Variants in CCDC92 observed in about 807,000 individuals in gnomAD.
CCDC92 encodes the protein coiled-coil domain-containing protein 92.
Under a neutral mutation model 24.9 loss-of-function variants are expected in CCDC92, and 12 were observed. That is an observed-to-expected ratio of 0.48 (90% confidence interval 0.31 to 0.78). CCDC92 has a LOEUF of 0.78. CCDC92 is among the 30% of genes least tolerant of loss of function. CCDC92 has a pLI of 0.05. For synonymous variants in CCDC92, 193 were observed against 196.3 expected (o/e 0.98, Z 0.14); for missense variants, 399 against 439.4 (o/e 0.91, Z 0.82).
In CCDC92 at chr12:123,937,050, G is replaced by T. The variant is rs753257859; in HGVS notation, c.*8C>A. On this transcript the variant is annotated 3_prime_UTR_variant, in exon 5 of 5. Transcript: ENST00000238156. The surrounding 1 kb of genome is among the most constrained non-coding windows in gnomAD (Gnocchi z 8.4). ...GCATGGACAGCGCGGGGTGGGGCAC[G>T]GCGGGCTTCACACAGTTCTGTCCGT... 5 of 1,613,508 alleles carry T rather than the reference G, an allele frequency of 3.1e-6. No homozygotes were observed. The highest frequency in any genetic ancestry group is 3.4e-6 in the Non-Finnish European group (4 of 1,179,958).
In CCDC92 at chr12:123,937,834, C is replaced by T. The variant is rs767039955; in HGVS notation, c.224-4G>A. On this transcript the variant is annotated splice_region_variant and splice_polypyrimidine_tract_variant and intron_variant, in intron 4 of 4. Coordinates refer to ENST00000238156, the MANE Select transcript of CCDC92 (RefSeq NM_025140.3). The surrounding 1 kb of genome is among the most constrained non-coding windows in gnomAD (Gnocchi z 8.4). ...CTGCTTTTAGAAGTCCCGTCTCCTA[C>T]AAGAATAAGCCGAGGAAGCAGGTGA... is the stretch of plus-strand genomic sequence containing the variant. 6 of 1,598,654 alleles carry T rather than the reference C, an allele frequency of 3.8e-6. No homozygotes were observed. The highest frequency in any genetic ancestry group is 2.7e-5 in the African/African-American group (2 of 74,452).
chr12:123,958,672 C>T (rs1203047648), intron 1 of CCDC92, among the ~76,000 whole-genome samples: 11 of 152,190 alleles, frequency 7.2e-5, no homozygotes, highest in South Asian at 4.1e-4. Flanking sequence ...ACCTCCCTGG[C>T]GTCACTGACT....
chr12:123,957,080 G>C (rs992825294), intron 1 of CCDC92, among the ~76,000 whole-genome samples: 3 of 152,054 alleles, frequency 2.0e-5, no homozygotes, highest in African/African-American at 7.2e-5. Flanking sequence ...CCCATAATGG[G>C]GTTAATTATA....
intron 1 of CCDC92, chr12:123,960,915 T>C (rs1394373991): frequency 6.6e-6 from 1 of 152,214 alleles, no homozygotes; most frequent in Non-Finnish European, 1.5e-5. Flanking sequence ...CTTTTTAAAG[T>C]TTACAAGGCC....
rs575041866 is a variant in CCDC92 at position 123,950,163 on chromosome 12, T to C, written c.-59-5799A>G. On this transcript the variant is annotated intron_variant, in intron 1 of 4. Transcript: ENST00000238156. ...AGGTGATGTGGTGACAATCCTGACG[T>C]CTGGGGCAGATTTAATTTCATGCAG... Among the ~76,000 whole-genome samples the C allele has an allele frequency of 1.1e-4, 16 of 152,348 alleles. No individual in the cohort carries two copies. In the East Asian group the frequency reaches 3.1e-3, roughly 29 times the overall value.
intron 4 of CCDC92, among the ~76,000 whole-genome samples, chr12:123,939,015 C>T (rs1392903395): frequency 3.3e-5 from 5 of 152,216 alleles, no homozygotes; most frequent in Admixed American, 3.3e-4. Context: ...AATGGTTCCT[C>T]ACTGCCTAAT....
At position 123,936,852 on chromosome 12, in the gene CCDC92, G is replaced by T; in HGVS notation, c.*206C>A. 1 of 640,824 alleles carries T rather than the reference G, an allele frequency of 1.6e-6. No homozygotes were observed. The highest frequency in any genetic ancestry group is 2.7e-6 in the Non-Finnish European group (1 of 374,464). 39.7% of individuals were successfully genotyped at this position (640,824 alleles called of 1,614,324 possible). A position where few individuals can be genotyped will look rare whatever the true frequency, so the allele number is the denominator to read the frequency against. ...AAGCGATTCGGCACACAGGCGTTTGGCCACAGCAATTAGGAAATACATATT... is the reference window on the plus strand; with the variant it reads ...AAGCGATTCGGCACACAGGCGTTTGTCCACAGCAATTAGGAAATACATATT... On this transcript the variant is annotated 3_prime_UTR_variant, in exon 5 of 5. Coordinates refer to ENST00000238156, the MANE Select transcript of CCDC92 (RefSeq NM_025140.3).
chr12:123,940,837 TGG>T (rs36019400), intron 4 of CCDC92, among the ~76,000 whole-genome samples: 47,902 of 152,024 alleles, frequency 0.32, 7,679 homozygotes, highest in Middle Eastern at 0.37. Flanking sequence ...TGCTGTACCC[TGG>T]GTCCCGAAAC....
At chr12:123,944,641 A>T (rs1023236947) in intron 1 of CCDC92, 6 of 243,926 alleles carry the variant, frequency 2.5e-5, no homozygotes, top group Non-Finnish European at 4.7e-5. Context: ...TGGAGCTAGG[A>T]CGAGTTCATA....
intron 4 of CCDC92, among the ~76,000 whole-genome samples, chr12:123,940,639 T>G (rs1297721990): frequency 6.6e-6 from 1 of 152,176 alleles, no homozygotes; most frequent in African/African-American, 2.4e-5. Flanking sequence ...TTCTGGAAAT[T>G]TCAGTCTTCC....
At chr12:123,972,154 G>C (rs1032525432) in intron 1 of CCDC92, 2 of 152,084 alleles carry the variant, frequency 1.3e-5, no homozygotes, top group Non-Finnish European at 2.9e-5. Context: ...GGGTGGGCGC[G>C]CGCCGCGGCC....
intron 1 of CCDC92, among the ~76,000 whole-genome samples, chr12:123,950,845 C>A (rs1461061917): frequency 6.6e-6 from 1 of 152,200 alleles, no homozygotes; most frequent in Non-Finnish European, 1.5e-5. Flanking sequence ...CTCCTTGGCA[C>A]AAGTTTTCAT....
intron 1 of CCDC92, among the ~76,000 whole-genome samples, chr12:123,958,114 C>T (rs1190741056): frequency 3.3e-5 from 5 of 152,058 alleles, no homozygotes; most frequent in African/African-American, 7.2e-5. Flanking sequence ...AGTGCAACGG[C>T]GTGATCTCAG....
chr12:123,949,012 G>A (rs555718327), intron 1 of CCDC92, among the ~76,000 whole-genome samples: 35 of 152,250 alleles, frequency 2.3e-4, no homozygotes, highest in African/African-American at 8.2e-4. Flanking sequence ...TAATTCAGAG[G>A]GAGAAATGGA....
At chr12:123,962,877 G>A (rs1319414420) in intron 1 of CCDC92, 2 of 152,130 alleles carry the variant, frequency 1.3e-5, no homozygotes, top group Non-Finnish European at 2.9e-5. Flanking sequence ...CTAAAGAACA[G>A]ATGGAATTAG....
intron 1 of CCDC92, among the ~76,000 whole-genome samples, chr12:123,965,907 G>A (rs1472384742): frequency 3.3e-5 from 5 of 152,174 alleles, no homozygotes; most frequent in Admixed American, 1.3e-4. Flanking sequence ...TAAAGACAAC[G>A]AGAGCAGCTT....
intron 1 of CCDC92, chr12:123,945,428 G>A (rs938336866): frequency 1.3e-5 from 2 of 152,280 alleles, no homozygotes; most frequent in Admixed American, 1.3e-4. Flanking sequence ...ACAGCACGTG[G>A]TCTTGGGGGG....
chr12:123,940,499 C>T (rs370162149), intron 4 of CCDC92, among the ~76,000 whole-genome samples: 5 of 152,212 alleles, frequency 3.3e-5, no homozygotes, highest in South Asian at 4.1e-4. Flanking sequence ...GGTACGACTG[C>T]TCCTCCATCC....
At chr12:123,956,912 C>A (rs1369724858) in intron 1 of CCDC92, among the ~76,000 whole-genome samples, 1 of 152,220 alleles carries the variant, frequency 6.6e-6, no homozygotes, top group Non-Finnish European at 1.5e-5. Flanking sequence ...AAAATCACTA[C>A]ATCTGATATT....
Sources: allele counts gnomAD v4.1 joint callset (sites outside exome capture counted in the v4.1 genomes callset), GRCh38; gene constraint gnomAD v4.1.1; non-coding constraint Gnocchi (gnomAD v3.1); transcripts MANE v1.5; gene names NCBI Gene and HGNC (gene_info 2026-07-23, HGNC 2026-07-21).